The following ADAMTS20 variants were observed in gnomAD, a reference collection of about 807,000 sequenced individuals.
The protein encoded by ADAMTS20 is A disintegrin and metalloproteinase with thrombospondin motifs 20.
A neutral mutation model predicts 260.1 loss-of-function variants in ADAMTS20; 225 were observed. The ratio of observed to expected loss-of-function variants is 0.87; its 90% CI spans 0.78 to 0.97. The LOEUF is 0.97. Ranked by LOEUF, ADAMTS20 falls within the 50% of genes least tolerant of loss-of-function variation. The probability of loss-of-function intolerance (pLI) is 0.00; values close to 1 mark genes in which losing one functional copy is unlikely to be tolerated. For missense variants in ADAMTS20, 2,400 were observed against 2,337.7 expected, an observed-to-expected ratio of 1.03 and a Z score of -0.55; for synonymous variants, 802 against 769.5, an observed-to-expected ratio of 1.04 and a Z score of -0.70.
chr12:43,484,899 A>G (rs1056179714), intron 7 of ADAMTS20, among the ~76,000 whole-genome samples: 1 of 152,144 alleles, frequency 6.6e-6, no homozygotes, highest in East Asian at 1.9e-4. Flanking sequence ...GCTTACAGTC[A>G]TCAGGCTATC....
At chr12:43,374,902 G>A (rs1011285684) in intron 36 of ADAMTS20, among the ~76,000 whole-genome samples, 7 of 152,170 alleles carry the variant, frequency 4.6e-5, no homozygotes, top group African/African-American at 1.4e-4. Flanking sequence ...TGGGAGTGGT[G>A]GCTCACGCCT....
intron 2 of ADAMTS20, among the ~76,000 whole-genome samples, chr12:43,549,798 A>G (rs535312392): frequency 2.0e-5 from 3 of 152,312 alleles, no homozygotes; most frequent in Admixed American, 2.0e-4. Context: ...CAAGATAATC[A>G]CTTGAAAAAG....
chr12:43,546,139 A>C (rs1943438436), intron 2 of ADAMTS20, among the ~76,000 whole-genome samples: 1 of 152,204 alleles, frequency 6.6e-6, no homozygotes, highest in Non-Finnish European at 1.5e-5. Context: ...AGAATACACA[A>C]AAAACAGTAA....
chr12:43,369,390 T>A lies in ADAMTS20; in HGVS notation c.5447-9A>T. On this transcript the variant is annotated splice_polypyrimidine_tract_variant and intron_variant, in intron 36 of 38. Coordinates refer to ENST00000389420, the MANE Select transcript of ADAMTS20 (RefSeq NM_025003.5). ...AAAAAGAAGGTCCGTAGCTAGAAAA[T>A]AATAAATAAAACTCTTTAGCATGGA... 6.8e-7 allele frequency: 1 copy of A among 1,479,780 alleles called. No individual in the cohort carries two copies. 91.7% of individuals were successfully genotyped at this position (1,479,780 alleles called of 1,614,324 possible). A position where few individuals can be genotyped will look rare whatever the true frequency, so the allele number is the denominator to read the frequency against.
At position 43,432,468 on chromosome 12, in the gene ADAMTS20, A is replaced by T; in HGVS notation, c.2932T>A (p.Cys978Ser). Reference sequence around the variant, plus strand: ...TCCCCTCCTCCACAACTCCTGGAACACTGATTAAAAAAAAAAAAGTGGTAA... The same window carrying T: ...TCCCCTCCTCCACAACTCCTGGAACTCTGATTAAAAAAAAAAAAGTGGTAA... ...TRWHYSEWSQCSRSCGGGERS... is the reference protein window; with the variant it reads ...TRWHYSEWSQSSRSCGGGERS... Residue 978 changes from cysteine to serine, a missense_variant and splice_region_variant, in exon 21 of 39, where the codon TGT becomes AGT. Physicochemically the swap from Cys to Ser is moderately radical, Grantham distance 112. Transcript: ENST00000389420. 1.9e-6 allele frequency: 3 copies of T among 1,594,690 alleles called. No individual in the cohort carries two copies. The highest frequency in any genetic ancestry group is 2.6e-6 in the Non-Finnish European group (3 of 1,175,078).
Position 43,493,204 on chromosome 12 carries a change from A to C in ADAMTS20, c.917T>G (p.Val306Gly). 2 of 1,563,074 alleles carry C rather than the reference A, an allele frequency of 1.3e-6. No individual in the cohort carries two copies. Among genetic ancestry groups the C allele is most frequent in the South Asian group, 2.4e-5 (2 of 84,850 alleles). The stretch of plus-strand genomic sequence containing the variant: ...GTGAATCATAACTAATTTTACCACT[A>C]CTATGTGTATCAAATTTCCAATACT... ...DPSIGNLIHIVVVKLVMIHRE... is the reference protein window; with the variant it reads ...DPSIGNLIHIGVVKLVMIHRE... The change falls in exon 5 of 39, where the codon GTA (valine) becomes GGA (glycine). Residue 306 changes from valine (V) to glycine (G), a missense_variant. Transcript: ENST00000389420.
intron 2 of ADAMTS20, among the ~76,000 whole-genome samples, chr12:43,543,856 C>T (rs571900261): frequency 5.9e-4 from 90 of 152,124 alleles, no homozygotes; most frequent in African/African-American, 2.0e-3. Context: ...TTTGCGTCAC[C>T]TTTGGGCTGA....
chr12:43,469,505 T>A (rs536123892), intron 7 of ADAMTS20, among the ~76,000 whole-genome samples: 1 of 152,178 alleles, frequency 6.6e-6, no homozygotes, highest in African/African-American at 2.4e-5. Context: ...TCACCACCAA[T>A]CATGTTAGTT....
chr12:43,486,049 A>G (rs1296570228), intron 7 of ADAMTS20, among the ~76,000 whole-genome samples: 2 of 152,126 alleles, frequency 1.3e-5, no homozygotes, highest in African/African-American at 4.8e-5. Flanking sequence ...AAATATCAAT[A>G]TCATTTTTCA....
At chr12:43,466,583 C>T in intron 9 of ADAMTS20, 69 bp downstream of exon 9, 1 of 1,453,030 alleles carries the variant, frequency 6.9e-7, no homozygotes, top group South Asian at 1.2e-5. Context: ...ATTGAACCAC[C>T]TTTAAAAATA....
At chr12:43,369,512 A>C in intron 36 of ADAMTS20, 131 bp from the exon 37 acceptor site, 1 of 331,106 alleles carries the variant, frequency 3.0e-6, no homozygotes, top group Non-Finnish European at 5.1e-6. Flanking sequence ...TTTTAAGCAC[A>C]AATGCCACAA....
intron 3 of ADAMTS20, among the ~76,000 whole-genome samples, chr12:43,528,061 C>A (rs1460056483): frequency 6.6e-6 from 1 of 151,732 alleles, no homozygotes; most frequent in African/African-American, 2.4e-5. Context: ...AGCTGAGAGC[C>A]AAATCAAGAA....
chr12:43,500,231 G>T (rs4768502), intron 4 of ADAMTS20, among the ~76,000 whole-genome samples: 67,553 of 151,908 alleles, frequency 0.44, 16,107 homozygotes, highest in East Asian at 0.89. Flanking sequence ...GTTTCACTAT[G>T]TTGGCCAGAC....
intron 3 of ADAMTS20, among the ~76,000 whole-genome samples, chr12:43,521,089 C>A (rs2137481681): frequency 6.6e-6 from 1 of 152,298 alleles, no homozygotes; most frequent in Middle Eastern, 3.4e-3. Flanking sequence ...AATGCCTGAT[C>A]CCTTTAGCTG....
intron 37 of ADAMTS20, among the ~76,000 whole-genome samples, chr12:43,366,347 T>C (rs1463923746): frequency 2.0e-5 from 3 of 151,648 alleles, no homozygotes; most frequent in Non-Finnish European, 3.0e-5. Flanking sequence ...ACAAAATACA[T>C]AAAAGATTGA....
chr12:43,515,001 G>A (rs1942979349), intron 3 of ADAMTS20, among the ~76,000 whole-genome samples: 1 of 152,054 alleles, frequency 6.6e-6, no homozygotes, highest in Non-Finnish European at 1.5e-5. Flanking sequence ...ATTTTCAGAT[G>A]AGCCTTCATG....
In ADAMTS20 at chr12:43,481,466, T is replaced by C. The variant is rs74887605; in HGVS notation, c.1117+8929A>G. ...ATCCAGAAACGTCTCTTCATCATTCTATAAGAGATTTTTATCTTGCAGTAA... is the reference window on the plus strand; with the variant it reads ...ATCCAGAAACGTCTCTTCATCATTCCATAAGAGATTTTTATCTTGCAGTAA... On this transcript the variant is annotated intron_variant, in intron 7 of 38. Transcript: ENST00000389420. Among the ~76,000 whole-genome samples the C allele has an allele frequency of 1.5e-3, 228 of 152,348 alleles. 3 individuals carry two copies. In the East Asian group the frequency reaches 0.041, roughly 27 times the overall value.
chr12:43,472,162 C>T (rs1240971627), intron 7 of ADAMTS20, among the ~76,000 whole-genome samples: 1 of 145,642 alleles, frequency 6.9e-6, no homozygotes, highest in Admixed American at 6.9e-5. Context: ...GAGCTGAAAA[C>T]CAAGGCTCGA....
chr12:43,463,770 T>C lies in ADAMTS20; in HGVS notation c.1510-771A>G, dbSNP rs372112438. Among the ~76,000 whole-genome samples the C allele has an allele frequency of 2.6e-5, 4 of 152,286 alleles. No homozygotes were observed. The South Asian group carries it at 8.3e-4, about 32-fold the overall frequency. ...CAACATTCAATAAGCATTTATTTTGTGGCATATACTGTGCAACAAATCCTA... is the reference window on the plus strand; with the variant it reads ...CAACATTCAATAAGCATTTATTTTGCGGCATATACTGTGCAACAAATCCTA... On this transcript the variant is annotated intron_variant, in intron 10 of 38. Coordinates refer to ENST00000389420, the MANE Select transcript of ADAMTS20 (RefSeq NM_025003.5).
Sources: gnomAD v4.1 joint callset for allele counts (sites outside exome capture counted in the v4.1 genomes callset) on GRCh38, gnomAD v4.1.1 for gene constraint, MANE v1.5 for transcripts, NCBI Gene and HGNC (gene_info 2026-07-23, HGNC 2026-07-21) for gene names.